PLD5: variants seen among roughly 807,000 people sequenced by gnomAD.
The protein encoded by PLD5 is inactive phospholipase D5.
Under a neutral mutation model 61.1 loss-of-function variants are expected in PLD5, and 36 were observed. The ratio of observed to expected loss-of-function variants is 0.59; its 90% CI spans 0.45 to 0.78. The LOEUF (loss-of-function observed/expected upper bound fraction) is 0.78. Among genes scored for constraint, PLD5 ranks in the 30% least tolerant of loss-of-function variants. The pLI is 0.00. For missense variants in PLD5, 515 were observed against 644.4 expected (o/e 0.80, Z 2.17); for synonymous variants, 243 against 242.8 (o/e 1.00, Z -0.01).
chr1:242,353,181 C>T (rs1217926346), intron 1 of PLD5, among the ~76,000 whole-genome samples: 1 of 152,072 alleles, frequency 6.6e-6, no homozygotes, highest in Non-Finnish European at 1.5e-5. Flanking sequence ...TTCTTTAACC[C>T]ATTTTGAGTT....
chr1:242,442,926 G>A (rs11810103), intron 1 of PLD5, among the ~76,000 whole-genome samples: 5,640 of 152,168 alleles, frequency 0.037, 336 homozygotes, highest in African/African-American at 0.12. Context: ...AACTTAAGTC[G>A]TAAACACAGT....
At chr1:242,284,906 TA>T (rs539684244) in intron 3 of PLD5, among the ~76,000 whole-genome samples, 189 of 152,242 alleles carry the variant, frequency 1.2e-3, no homozygotes, top group Non-Finnish European at 2.3e-3. Context: ...CTCCCCCTTG[TA>T]AAGAGGCAAA....
At position 242,269,372 on chromosome 1, in the gene PLD5, T is replaced by C. The variant is rs1413761470; in HGVS notation, c.496-3924A>G. Among the ~76,000 whole-genome samples the C allele has an allele frequency of 4.6e-5, 7 of 151,854 alleles. No individual in the cohort carries two copies. In the East Asian group the frequency reaches 1.4e-3, roughly 29 times the overall value. On this transcript the variant is annotated intron_variant, in intron 3 of 9. Transcript: ENST00000536534. Reference sequence around the variant, plus strand: ...CAGTAGAGTCGTATGCAGGAAGCTGTACCCCCAAAATAGAGATCCAGCTCA... The same window carrying C: ...CAGTAGAGTCGTATGCAGGAAGCTGCACCCCCAAAATAGAGATCCAGCTCA...
At chr1:242,463,571 C>T (rs767267177) in intron 1 of PLD5, among the ~76,000 whole-genome samples, 10 of 152,104 alleles carry the variant, frequency 6.6e-5, no homozygotes, top group Non-Finnish European at 1.5e-5. Context: ...AGGTCTTCCT[C>T]TTACTTCACA....
rs921106027 is a variant in PLD5 at position 242,087,774 on chromosome 1, C to T, written c.*2080G>A. The T allele has an allele frequency of 3.3e-5, 5 of 152,158 alleles. No individual in the cohort carries two copies. The highest frequency in any genetic ancestry group is 7.3e-5 in the Non-Finnish European group (5 of 68,034). The allele number at this position is 152,158 out of a possible 1,614,324, so 9.4% of individuals were successfully genotyped here. A position where few individuals can be genotyped will look rare whatever the true frequency, so the allele number is the denominator to read the frequency against. ...TTCTTTTTAAAATCATCACCAAAGC[C>T]ACGTTTACTTTATTGGGATAACTGG... On this transcript the variant is annotated 3_prime_UTR_variant, in exon 10 of 10. Transcript: ENST00000536534.
In PLD5 at chr1:242,084,738, T is replaced by C; in HGVS notation, c.*5116A>G. The C allele has an allele frequency of 6.7e-6, 1 of 148,648 alleles. No individual in the cohort carries two copies. The highest frequency in any genetic ancestry group is 2.0e-4 in the East Asian group (1 of 5,042). The allele number at this position is 148,648 out of a possible 1,614,324, so 9.2% of individuals were successfully genotyped here. Reference sequence around the variant, plus strand: ...AAAATTAATGTACTCAGAATGAACATTTATTGGAAAGGTTTTTTTTTTTTT... The same window carrying C: ...AAAATTAATGTACTCAGAATGAACACTTATTGGAAAGGTTTTTTTTTTTTT... On this transcript the variant is annotated 3_prime_UTR_variant, in exon 10 of 10. Transcript: ENST00000536534.
intron 3 of PLD5, among the ~76,000 whole-genome samples, chr1:242,273,546 CA>C (rs1361252219): frequency 3.3e-5 from 5 of 152,172 alleles, no homozygotes; most frequent in Non-Finnish European, 7.3e-5. Flanking sequence ...CAATGATGTG[CA>C]CTGTCTTGGA....
intron 3 of PLD5, among the ~76,000 whole-genome samples, chr1:242,283,085 G>A (rs1375737333): frequency 4.6e-5 from 7 of 152,162 alleles, no homozygotes. Flanking sequence ...TGGAGGTACA[G>A]ATTAAAAACA....
At chr1:242,108,061 T>A (rs2148687182) in intron 7 of PLD5, among the ~76,000 whole-genome samples, 1 of 152,234 alleles carries the variant, frequency 6.6e-6, no homozygotes, top group East Asian at 1.9e-4. Context: ...GGAGGTTTCC[T>A]ACCACCAGGT....
intron 4 of PLD5, among the ~76,000 whole-genome samples, chr1:242,237,233 G>A (rs1671693805): frequency 6.6e-6 from 1 of 150,516 alleles, no homozygotes; most frequent in Admixed American, 6.6e-5. Flanking sequence ...GGTATCATGT[G>A]TCATTCACTC....
intron 1 of PLD5, among the ~76,000 whole-genome samples, chr1:242,481,487 T>G (rs957172677): frequency 6.6e-6 from 1 of 152,150 alleles, no homozygotes; most frequent in African/African-American, 2.4e-5. Context: ...GAGATCAAAC[T>G]GCAAGGCAGC....
Position 242,113,295 on chromosome 1 carries a change from A to G in PLD5, c.1070+595T>C, listed in dbSNP as rs369186975. Among the ~76,000 whole-genome samples, 35 of 151,992 alleles carry G rather than the reference A, an allele frequency of 2.3e-4. No homozygotes were observed. The East Asian group carries it at 3.5e-3, about 15-fold the overall frequency. On this transcript the variant is annotated intron_variant, in intron 7 of 9. Coordinates refer to ENST00000536534, the MANE Select transcript of PLD5 (RefSeq NM_001372062.1). ...TTTTTAGTGGAGACGGGGTTTCACC[A>G]TGTTAGCCAGGATGGTCTCGATCTC...
intron 4 of PLD5, among the ~76,000 whole-genome samples, chr1:242,233,161 T>C (rs1043567704): frequency 1.3e-5 from 2 of 150,942 alleles, no homozygotes; most frequent in African/African-American, 4.9e-5. Flanking sequence ...CTCAAATGAA[T>C]GAATGAATGA....
In PLD5 at chr1:242,089,791, C is replaced by A; in HGVS notation, c.*63G>T. The A allele has an allele frequency of 6.3e-7, 1 of 1,579,254 alleles. No individual in the cohort carries two copies. The highest frequency in any genetic ancestry group is 1.2e-5 in the South Asian group (1 of 86,422). ...AGAGACATATTAAAGTGTTTTTTCT[C>A]TCCTCAAGTCCTTTATGTATAAATA... is the stretch of plus-strand genomic sequence containing the variant. On this transcript the variant is annotated 3_prime_UTR_variant, in exon 10 of 10. Coordinates refer to ENST00000536534, the MANE Select transcript of PLD5 (RefSeq NM_001372062.1).
intron 1 of PLD5, among the ~76,000 whole-genome samples, chr1:242,499,790 G>A (rs1030918330): frequency 6.6e-6 from 1 of 152,124 alleles, no homozygotes; most frequent in East Asian, 1.9e-4. Flanking sequence ...AATTTGGCAG[G>A]GCCCAGGAGG....
chr1:242,095,387 G>A (rs978581821), intron 9 of PLD5, among the ~76,000 whole-genome samples: 2 of 151,916 alleles, frequency 1.3e-5, no homozygotes, highest in East Asian at 1.9e-4. Flanking sequence ...CATGTGCCAC[G>A]ATACCCAGCT....
At chr1:242,498,081 C>G (rs1006041636) in intron 1 of PLD5, among the ~76,000 whole-genome samples, 10 of 152,182 alleles carry the variant, frequency 6.6e-5, no homozygotes, top group Non-Finnish European at 1.2e-4. Context: ...TGTCCTGCCT[C>G]AGCCTTCTGA....
intron 5 of PLD5, chr1:242,210,318 T>C (rs1669725077): frequency 6.6e-6 from 1 of 152,412 alleles, no homozygotes; most frequent in South Asian, 2.1e-4. Context: ...ATCTAACCAC[T>C]GTCAGGCCTC....
intron 5 of PLD5, among the ~76,000 whole-genome samples, chr1:242,157,900 T>C (rs1381861995): frequency 1.2e-4 from 18 of 152,222 alleles, no homozygotes; most frequent in Non-Finnish European, 2.6e-4. Context: ...TTAAGTCTGC[T>C]GAAGCTGTGC....
Sources: gnomAD v4.1 joint callset for allele counts (sites outside exome capture counted in the v4.1 genomes callset) on GRCh38, gnomAD v4.1.1 for gene constraint, MANE v1.5 for transcripts, NCBI Gene and HGNC (gene_info 2026-07-23, HGNC 2026-07-21) for gene names.